Variants in CFAP44 observed in about 807,000 individuals in gnomAD.
CFAP44 encodes cilia- and flagella-associated protein 44.
A neutral mutation model predicts 216.2 loss-of-function variants in CFAP44; 134 were observed. That is an observed-to-expected ratio of 0.62 (90% CI 0.54 to 0.72). CFAP44 has a LOEUF of 0.72. Among genes scored for constraint, CFAP44 ranks in the 30% least tolerant of loss-of-function variants. The pLI is 0.00. For synonymous variants in CFAP44, 700 were observed against 727.6 expected (o/e 0.96, Z 0.61); for missense variants, 2,035 against 2,182.1 (o/e 0.93, Z 1.34).
intron 29 of CFAP44, 46 bp from the exon 30 acceptor site, chr3:113,306,377 T>G: frequency 6.6e-7 from 1 of 1,525,004 alleles, no homozygotes; most frequent in Non-Finnish European, 8.7e-7. Context: ...TGTTATGGAA[T>G]GTGGTAGTAC....
intron 1 of CFAP44, chr3:113,434,738 T>C (rs1356327648): frequency 6.6e-6 from 1 of 152,214 alleles, no homozygotes; most frequent in Non-Finnish European, 1.5e-5. Context: ...AGTACTGACA[T>C]ATAACTAGCT....
Position 113,402,566 on chromosome 3 carries a change from G to A in CFAP44, c.1171-827C>T, listed in dbSNP as rs1320357788. 3.3e-5 allele frequency among the ~76,000 whole-genome samples: 5 copies of A among 152,332 alleles called. No homozygotes were observed. In the East Asian group the frequency reaches 9.6e-4, roughly 29 times the overall value. ...TGAGACTTTGAGAAAGGAACTCTGG[G>A]AAGACTGTCCCATAGATTAGCCTGG... On this transcript the variant is annotated intron_variant, in intron 9 of 34. Coordinates refer to ENST00000393845, the MANE Select transcript of CFAP44 (RefSeq NM_001164496.2).
intron 17 of CFAP44, among the ~76,000 whole-genome samples, chr3:113,375,738 T>G (rs901278296): frequency 2.6e-5 from 4 of 152,288 alleles, no homozygotes; most frequent in Non-Finnish European, 5.9e-5. Flanking sequence ...GGAGAATCAC[T>G]TGAGCCTGGG....
chr3:113,347,718 T>C (rs148826245), intron 22 of CFAP44, among the ~76,000 whole-genome samples: 3,097 of 152,268 alleles, frequency 0.02, 109 homozygotes, highest in African/African-American at 0.07. Flanking sequence ...TCAGAAATGA[T>C]ATCCTTCCTA....
chr3:113,403,245 T>C (rs988577993), intron 9 of CFAP44, among the ~76,000 whole-genome samples: 1 of 152,120 alleles, frequency 6.6e-6, no homozygotes, highest in African/African-American at 2.4e-5. Flanking sequence ...CACAGCACAA[T>C]ACTCATTAAC....
chr3:113,401,240 A>G lies in CFAP44; in HGVS notation c.1374T>C (p.Ile458=), dbSNP rs1239506120. 6 of 1,585,984 alleles carry G rather than the reference A, an allele frequency of 3.8e-6. No homozygotes were observed. Among genetic ancestry groups the G allele is most frequent in the Non-Finnish European group, 3.4e-6 (4 of 1,170,988 alleles). Residue 458 remains isoleucine, a splice_region_variant and synonymous_variant, in exon 11 of 35, where the codon ATT becomes ATC. Transcript: ENST00000393845. ...AAAATAAGAATAATAGGCAACTTAC[A>G]ATATTTGAAAAACTAAGGTCAAGCT... The part of the protein sequence containing the change: ...IWKLDLSFSN[I]TQDPECLFSF...
chr3:113,396,584 GA>G lies in CFAP44; in HGVS notation c.1712del (p.Phe571SerfsTer11). On this transcript the variant is annotated frameshift_variant, in exon 14 of 35. Coordinates refer to ENST00000393845, the MANE Select transcript of CFAP44 (RefSeq NM_001164496.2). LOFTEE classifies it high-confidence loss of function. ...LDADIQLKQV[F>X]KPHTACVTAL... ...CAGTGACACAAGCAGTATGGGGTTT[GA>G]AAACCTGTTTCAACTGAATATCAGC... is the stretch of plus-strand genomic sequence containing the variant. 1 of 1,614,106 alleles carries G rather than the reference GA, an allele frequency of 6.2e-7. No homozygotes were observed. Among genetic ancestry groups the G allele is most frequent in the Non-Finnish European group, 8.5e-7 (1 of 1,180,006 alleles).
intron 22 of CFAP44, among the ~76,000 whole-genome samples, chr3:113,353,699 T>C (rs929283329): frequency 6.6e-6 from 1 of 152,008 alleles, no homozygotes; most frequent in African/African-American, 2.4e-5. Context: ...TGCTATAACT[T>C]TCAGAGTGAA....
At chr3:113,316,869 A>C (rs1950092924) in intron 28 of CFAP44, among the ~76,000 whole-genome samples, 1 of 70,270 alleles carries the variant, frequency 1.4e-5, no homozygotes, top group African/African-American at 6.1e-5. Context: ...ACTCCATCTC[A>C]AAAAAAAAAA....
chr3:113,436,063 A>C (rs1334903149), intron 1 of CFAP44, among the ~76,000 whole-genome samples: 1 of 152,088 alleles, frequency 6.6e-6, no homozygotes, highest in Non-Finnish European at 1.5e-5. Flanking sequence ...GTAAGTAGCA[A>C]AATCTTTTAA....
Position 113,366,243 on chromosome 3 carries a change from T to C in CFAP44, c.2511A>G (p.Gln837=). The C allele has an allele frequency of 1.2e-6, 2 of 1,613,982 alleles. No homozygotes were observed. The highest frequency in any genetic ancestry group is 1.7e-6 in the Non-Finnish European group (2 of 1,179,904). Residue 837 remains glutamine (Q), a synonymous_variant, in exon 19 of 35, where the codon CAA becomes CAG. Coordinates refer to ENST00000393845, the MANE Select transcript of CFAP44 (RefSeq NM_001164496.2). The part of the protein sequence containing the change: ...NGAIRVYVLN[Q]NDPSLTSLVD... ...CCAAACTGGTCAATGAAGGATCATTTTGATTTAGGACATAGACTCGAATTG... is the reference window on the plus strand; with the variant it reads ...CCAAACTGGTCAATGAAGGATCATTCTGATTTAGGACATAGACTCGAATTG...
At chr3:113,389,829 C>T (rs899900980) in intron 15 of CFAP44, among the ~76,000 whole-genome samples, 4 of 151,968 alleles carry the variant, frequency 2.6e-5, no homozygotes, top group African/African-American at 9.7e-5. Context: ...CGTGAACAGA[C>T]CAATTATGAG....
intron 23 of CFAP44, among the ~76,000 whole-genome samples, chr3:113,342,563 ATGG>A (rs774897337): frequency 3.0e-4 from 45 of 150,908 alleles, no homozygotes; most frequent in Non-Finnish European, 5.8e-4. Flanking sequence ...TTGTGAGATG[ATGG>A]TGGGGAAAAG....
intron 19 of CFAP44, 48 bp downstream of exon 19, chr3:113,365,990 AT>A: frequency 6.5e-7 from 1 of 1,534,306 alleles, no homozygotes; most frequent in Non-Finnish European, 8.8e-7. Flanking sequence ...TAATATCACT[AT>A]TTTTAAATAC....
intron 24 of CFAP44, among the ~76,000 whole-genome samples, chr3:113,336,666 G>A (rs1022852583): frequency 1.7e-4 from 26 of 151,840 alleles, no homozygotes; most frequent in Non-Finnish European, 3.2e-4. Flanking sequence ...AGAACAAACA[G>A]AAAACAAAAT....
chr3:113,326,856 C>T (rs1189484697), intron 27 of CFAP44, among the ~76,000 whole-genome samples: 1 of 152,022 alleles, frequency 6.6e-6, no homozygotes, highest in Non-Finnish European at 1.5e-5. Context: ...ATTAGAAAAT[C>T]AGCTTTTTAG....
At chr3:113,320,839 C>T (rs1208003247) in intron 28 of CFAP44, among the ~76,000 whole-genome samples, 1 of 152,054 alleles carries the variant, frequency 6.6e-6, no homozygotes, top group Non-Finnish European at 1.5e-5. Flanking sequence ...ACACTGTCAG[C>T]TAATTAGAGG....
chr3:113,358,917 C>T, intron 21 of CFAP44, 42 bp from the exon 22 acceptor site: 1 of 1,519,228 alleles, frequency 6.6e-7, no homozygotes, highest in South Asian at 1.2e-5. Context: ...GGTACTGTAT[C>T]AACTCTGTTT....
Position 113,441,468 on chromosome 3 carries a change from C to T in CFAP44, c.-21G>A. 5.1e-6 allele frequency: 5 copies of T among 984,524 alleles called. No homozygotes were observed. The allele number at this position is 984,524 out of a possible 1,614,324, so 61.0% of individuals were successfully genotyped here. On this transcript the variant is annotated 5_prime_UTR_variant, in exon 1 of 35. Coordinates refer to ENST00000393845, the MANE Select transcript of CFAP44 (RefSeq NM_001164496.2). ...CCAAACTCACCGAAGGTACTGACCG[C>T]CGCGGCTCCTCTCTTCACAGCGTCT... is the stretch of plus-strand genomic sequence containing the variant.
Sources: gnomAD v4.1 joint callset for allele counts (sites outside exome capture counted in the v4.1 genomes callset) on GRCh38, gnomAD v4.1.1 for gene constraint, MANE v1.5 for transcripts, NCBI Gene and HGNC (gene_info 2026-07-23, HGNC 2026-07-21) for gene names.